Variants in NMNAT3 observed in about 807,000 individuals in gnomAD.
The protein encoded by NMNAT3 is nicotinamide nucleotide adenylyltransferase 3.
NMNAT3 carries 21 observed loss-of-function variants against 24.8 expected under a neutral mutation model. That is an observed-to-expected ratio of 0.85 (90% CI 0.60 to 1.22). The LOEUF (loss-of-function observed/expected upper bound fraction) is 1.22, where lower values mean the gene tolerates loss of function less well. NMNAT3 is among the 50% of genes most tolerant of loss of function. The pLI is 0.00. For missense variants in NMNAT3, 387 were observed against 436.6 expected, an observed-to-expected ratio of 0.89 and a Z score of 1.01; for synonymous variants, 136 against 155.2, an observed-to-expected ratio of 0.88 and a Z score of 0.92.
chr3:139,560,659 G>T lies in NMNAT3; in HGVS notation c.*351C>A. On this transcript the variant is annotated 3_prime_UTR_variant, in exon 7 of 7. Coordinates refer to ENST00000643695, the MANE Select transcript of NMNAT3 (RefSeq NM_001320510.2). ...TGGGCAATTCTGATCTGACCCTCAGGGGCCGCTGCCATGCTCAGAACTGCA... is the reference window on the plus strand; with the variant it reads ...TGGGCAATTCTGATCTGACCCTCAGTGGCCGCTGCCATGCTCAGAACTGCA... 4.6e-6 allele frequency: 1 copy of T among 215,980 alleles called. No individual in the cohort carries two copies. 13.4% of individuals were successfully genotyped at this position (215,980 alleles called of 1,614,324 possible).
At chr3:139,616,949 A>G (rs1361261172) in intron 3 of NMNAT3, among the ~76,000 whole-genome samples, 1 of 151,916 alleles carries the variant, frequency 6.6e-6, no homozygotes, top group Non-Finnish European at 1.5e-5. Flanking sequence ...CCTCCTGGTC[A>G]CTCCTCAGTG....
intron 1 of NMNAT3, among the ~76,000 whole-genome samples, chr3:139,667,262 A>G (rs2057612555): frequency 6.6e-6 from 1 of 152,252 alleles, no homozygotes; most frequent in African/African-American, 2.4e-5. Flanking sequence ...CATCCTTGCC[A>G]GCATTTGTTG....
intron 1 of NMNAT3, among the ~76,000 whole-genome samples, chr3:139,655,116 G>A (rs1015865591): frequency 2.0e-5 from 3 of 152,244 alleles, no homozygotes; most frequent in Non-Finnish European, 4.4e-5. Context: ...AGAGAAAACA[G>A]CATTTGCAAA....
intron 3 of NMNAT3, among the ~76,000 whole-genome samples, chr3:139,589,737 A>C (rs1187404947): frequency 6.6e-6 from 1 of 152,154 alleles, no homozygotes; most frequent in African/African-American, 2.4e-5. Flanking sequence ...ATGTAAGCAA[A>C]CCATCCCATA....
In NMNAT3 at chr3:139,663,792, G is replaced by A. The variant is rs566123905; in HGVS notation, c.-141+13913C>T. On this transcript the variant is annotated intron_variant, in intron 1 of 6. Coordinates refer to ENST00000643695, the MANE Select transcript of NMNAT3 (RefSeq NM_001320510.2). The stretch of plus-strand genomic sequence containing the variant: ...ACTGACCCCAGCTCAAGTACTGCCC[G>A]TGAAAGGGGGAGATGTAGACTTATG... Among the ~76,000 whole-genome samples, 18 of 152,270 alleles carry A rather than the reference G, an allele frequency of 1.2e-4. No individual in the cohort carries two copies. In the East Asian group the frequency reaches 3.3e-3, roughly 28 times the overall value.
At chr3:139,651,633 G>A (rs2057059119) in intron 1 of NMNAT3, among the ~76,000 whole-genome samples, 1 of 152,158 alleles carries the variant, frequency 6.6e-6, no homozygotes, top group African/African-American at 2.4e-5. Context: ...GTAGCTGCTG[G>A]AATTAAGGTG....
chr3:139,665,025 C>T (rs2057531835), intron 1 of NMNAT3, among the ~76,000 whole-genome samples: 1 of 152,138 alleles, frequency 6.6e-6, no homozygotes, highest in Non-Finnish European at 1.5e-5. Context: ...TATCTTAGTA[C>T]TATTATGTGA....
At chr3:139,674,438 T>C (rs2057858872) in intron 1 of NMNAT3, among the ~76,000 whole-genome samples, 1 of 152,128 alleles carries the variant, frequency 6.6e-6, no homozygotes, top group African/African-American at 2.4e-5. Flanking sequence ...CTGTCCATCT[T>C]TACTGGGGAA....
intron 1 of NMNAT3, among the ~76,000 whole-genome samples, chr3:139,661,286 G>A (rs909268125): frequency 6.6e-6 from 1 of 152,194 alleles, no homozygotes; most frequent in Non-Finnish European, 1.5e-5. Flanking sequence ...ACCTAGTGTA[G>A]GGCTGCGTCT....
chr3:139,587,532 A>T (rs1413449279), intron 3 of NMNAT3, among the ~76,000 whole-genome samples: 1 of 152,174 alleles, frequency 6.6e-6, no homozygotes, highest in Admixed American at 6.5e-5. Context: ...GCCATCCAGG[A>T]TGCTTAATGC....
At chr3:139,591,403 C>T (rs1186210695) in intron 3 of NMNAT3, among the ~76,000 whole-genome samples, 1 of 152,198 alleles carries the variant, frequency 6.6e-6, no homozygotes, top group Non-Finnish European at 1.5e-5. Flanking sequence ...GGGGCGCCCG[C>T]CATTGCCCAG....
rs139143782 is a variant in NMNAT3, at chr3:139,599,626, C to T, written c.110-16418G>A. On this transcript the variant is annotated intron_variant, in intron 3 of 6. Transcript: ENST00000643695. The stretch of plus-strand genomic sequence containing the variant: ...CAAACAGACTGTTGTGATTAAACCT[C>T]GCCTCTAAGTGAAGCTTGGAAAATA... Among the ~76,000 whole-genome samples, 98 of 152,302 alleles carry T rather than the reference C, an allele frequency of 6.4e-4. No homozygotes were observed. The East Asian group carries it at 0.01, about 16-fold the overall frequency.
chr3:139,630,676 T>TG (rs2056258007), intron 2 of NMNAT3, among the ~76,000 whole-genome samples: 2 of 152,172 alleles, frequency 1.3e-5, no homozygotes, highest in Non-Finnish European at 2.9e-5. Context: ...AGTGTGAAGA[T>TG]GAAAAGCTCT....
intron 3 of NMNAT3, among the ~76,000 whole-genome samples, chr3:139,627,097 C>G (rs1184270540): frequency 1.3e-5 from 2 of 152,068 alleles, no homozygotes; most frequent in African/African-American, 4.8e-5. Context: ...ATATTTCCAG[C>G]TGATTAAATA....
intron 1 of NMNAT3, among the ~76,000 whole-genome samples, chr3:139,658,845 T>G (rs2057327364): frequency 6.6e-6 from 1 of 151,902 alleles, no homozygotes; most frequent in African/African-American, 2.4e-5. Context: ...TAACAAATCA[T>G]GCACCGTGTA....
At chr3:139,652,954 AG>A (rs1331542485) in intron 1 of NMNAT3, among the ~76,000 whole-genome samples, 1 of 152,234 alleles carries the variant, frequency 6.6e-6, no homozygotes, top group Non-Finnish European at 1.5e-5. Flanking sequence ...CATTCACCTA[AG>A]AGAGGATTAA....
intron 1 of NMNAT3, among the ~76,000 whole-genome samples, chr3:139,670,550 A>G (rs2057724652): frequency 6.6e-6 from 1 of 152,216 alleles, no homozygotes. Flanking sequence ...TTGTGACATG[A>G]TTTCCTAATG....
chr3:139,595,045 T>C (rs1041111851), intron 3 of NMNAT3, among the ~76,000 whole-genome samples: 3 of 152,206 alleles, frequency 2.0e-5, no homozygotes, highest in African/African-American at 4.8e-5. Flanking sequence ...GACGACATGA[T>C]TGTGTATCTA....
chr3:139,673,249 T>C (rs1389639704), intron 1 of NMNAT3, among the ~76,000 whole-genome samples: 1 of 152,170 alleles, frequency 6.6e-6, no homozygotes, highest in Non-Finnish European at 1.5e-5. Context: ...TTGCTGCTGC[T>C]ACCCAAGATG....
Sources: gnomAD v4.1 joint callset for allele counts (sites outside exome capture counted in the v4.1 genomes callset) on GRCh38, gnomAD v4.1.1 for gene constraint, MANE v1.5 for transcripts, NCBI Gene and HGNC (gene_info 2026-07-23, HGNC 2026-07-21) for gene names.